The following PCDHA2 variants were observed in gnomAD, a reference collection of about 807,000 sequenced individuals.
The protein encoded by PCDHA2 is protocadherin alpha 2, also known as protocadherin alpha-2.
A neutral mutation model predicts 66.0 loss-of-function variants in PCDHA2; 58 were observed. The observed-to-expected ratio is 0.88, with a 90% CI of 0.71 to 1.09. The LOEUF (loss-of-function observed/expected upper bound fraction) is 1.09, where lower values mean the gene tolerates loss of function less well. Among genes scored for constraint, PCDHA2 ranks in the 50% least tolerant of loss-of-function variants. The probability of loss-of-function intolerance (pLI) is 0.00; values close to 1 mark genes in which losing one functional copy is unlikely to be tolerated. For missense variants in PCDHA2, 1,267 were observed against 1,242.3 expected (o/e 1.02, Z -0.30); for synonymous variants, 634 against 554.0 (o/e 1.14, Z -2.03).
intron 1 of PCDHA2, chr5:140,809,787 G>T: frequency 2.1e-6 from 1 of 480,742 alleles, no homozygotes. Context: ...CATATTAACA[G>T]AACTGTAATT....
At chr5:140,876,155 T>A in intron 1 of PCDHA2, 1 of 1,613,994 alleles carries the variant, frequency 6.2e-7, no homozygotes, top group Non-Finnish European at 8.5e-7. Context: ...TCTGTCCAGA[T>A]TCAAATAACC....
chr5:140,883,445 G>A, intron 1 of PCDHA2: 1 of 1,614,164 alleles, frequency 6.2e-7, no homozygotes, highest in South Asian at 1.1e-5. Flanking sequence ...GACGCCGCAT[G>A]TCCCCTTCAA....
intron 1 of PCDHA2, chr5:140,883,585 C>T (rs782326010): frequency 4.3e-6 from 7 of 1,613,932 alleles, no homozygotes; most frequent in East Asian, 4.5e-5. Flanking sequence ...GGGCCACGGC[C>T]AGCGTGTCGG....
At chr5:140,895,949 T>C (rs1413820088) in intron 1 of PCDHA2, among the ~76,000 whole-genome samples, 1 of 152,256 alleles carries the variant, frequency 6.6e-6, no homozygotes, top group East Asian at 1.9e-4. Context: ...TAGCTGGGAT[T>C]ACAGGTGCCT....
intron 1 of PCDHA2, among the ~76,000 whole-genome samples, chr5:140,905,999 G>T (rs781796509): frequency 1.3e-5 from 2 of 152,140 alleles, no homozygotes; most frequent in Non-Finnish European, 2.9e-5. Flanking sequence ...AGGCTGGGAG[G>T]CTAAGCCAGT....
chr5:140,870,084 C>T (rs782413178), intron 1 of PCDHA2: 1 of 1,613,864 alleles, frequency 6.2e-7, no homozygotes, highest in Non-Finnish European at 8.5e-7. Context: ...AGGGGACTCC[C>T]CCAATGGCAG....
chr5:140,877,408 C>A, intron 1 of PCDHA2: 1 of 1,613,924 alleles, frequency 6.2e-7, no homozygotes, highest in South Asian at 1.1e-5. Context: ...TCCGCGCCAC[C>A]GCCTGCTGGT....
chr5:140,943,094 TA>T lies in PCDHA2; in HGVS notation c.2389-35849del, dbSNP rs546939375. Among the ~76,000 whole-genome samples, 19 of 151,404 alleles carry T rather than the reference TA, an allele frequency of 1.3e-4. No individual in the cohort carries two copies. In the East Asian group the frequency reaches 3.7e-3, roughly 29 times the overall value. On this transcript the variant is annotated intron_variant, in intron 1 of 3. Coordinates refer to ENST00000526136, the MANE Select transcript of PCDHA2 (RefSeq NM_018905.3). ...CAACATGGTGAAATCCTGCCTCTAC[TA>T]AAAAATACAAAAATTAGCCAGGTGT... is the stretch of plus-strand genomic sequence containing the variant.
intron 1 of PCDHA2, chr5:140,809,475 G>C (rs782745865): frequency 6.2e-7 from 1 of 1,614,098 alleles, no homozygotes; most frequent in Non-Finnish European, 8.5e-7. Flanking sequence ...TCTGGTGAGG[G>C]CCCACCCAAG....
chr5:140,969,040 A>G (rs1554231380), intron 1 of PCDHA2: 1 of 1,614,150 alleles, frequency 6.2e-7, no homozygotes. Context: ...AACTGTACAA[A>G]CAAGCCAACA....
chr5:140,863,469 G>T, intron 1 of PCDHA2: 3 of 498,172 alleles, frequency 6.0e-6, no homozygotes, highest in South Asian at 4.7e-5. Context: ...TTACTCTGGA[G>T]AGTCGCCTCC....
intron 1 of PCDHA2, chr5:140,831,346 C>T (rs1204260728): frequency 1.4e-5 from 2 of 140,818 alleles, no homozygotes; most frequent in South Asian, 2.4e-4. Context: ...GTAATTTAAA[C>T]TATTCACTAT....
intron 1 of PCDHA2, chr5:140,968,878 T>A (rs1554231201): frequency 6.2e-7 from 1 of 1,614,244 alleles, no homozygotes; most frequent in South Asian, 1.1e-5. Flanking sequence ...ACTCTGAAAT[T>A]ACCCTTTATC....
intron 3 of PCDHA2, among the ~76,000 whole-genome samples, chr5:141,006,417 G>A (rs1010340395): frequency 6.6e-6 from 1 of 152,030 alleles, no homozygotes; most frequent in Admixed American, 6.6e-5. Flanking sequence ...GTTTCACTGT[G>A]TTAGCCAGGA....
chr5:140,985,163 T>G (rs1045171380), intron 3 of PCDHA2, among the ~76,000 whole-genome samples: 7 of 152,096 alleles, frequency 4.6e-5, no homozygotes, highest in South Asian at 2.1e-4. Flanking sequence ...TGTCTCAATC[T>G]CCTGACCTCG....
At chr5:140,927,753 C>T (rs1435866827) in intron 1 of PCDHA2, 3 of 1,614,078 alleles carry the variant, frequency 1.9e-6, no homozygotes, top group Non-Finnish European at 2.5e-6. Flanking sequence ...TTCACGTGCA[C>T]CCTAAAAGTG....
At position 140,823,647 on chromosome 5, in the gene PCDHA2, G is replaced by A. The variant is rs2150127892; in HGVS notation, c.2388+26295G>A. The A allele has an allele frequency of 2.1e-5, 34 of 1,613,872 alleles. No homozygotes were observed. The South Asian group carries it at 3.2e-4, about 15-fold the overall frequency. ...GTGCGCGCATCCCGTTCCGCGTGGG[G>A]CTGTACACAGGCGAGATCAGCACAA... On this transcript the variant is annotated intron_variant, in intron 1 of 3. Transcript: ENST00000526136.
In PCDHA2 at chr5:140,829,696, G is replaced by T. The variant is rs2150172625; in HGVS notation, c.2388+32344G>T. The T allele has an allele frequency of 1.4e-5, 22 of 1,613,156 alleles. No individual in the cohort carries two copies. The South Asian group carries it at 2.1e-4, about 15-fold the overall frequency. On this transcript the variant is annotated intron_variant, in intron 1 of 3. Transcript: ENST00000526136. ...AGCTAGAGCTGCTGCAGTTTCAGGTGAGCGCGCGCGACGCGGGCGTGCCGC... is the reference window on the plus strand; with the variant it reads ...AGCTAGAGCTGCTGCAGTTTCAGGTTAGCGCGCGCGACGCGGGCGTGCCGC...
At chr5:140,994,125 C>T (rs1007264886) in intron 3 of PCDHA2, among the ~76,000 whole-genome samples, 6 of 152,044 alleles carry the variant, frequency 3.9e-5, no homozygotes, top group African/African-American at 9.7e-5. Flanking sequence ...GTGATAAGGG[C>T]GACAATAATG....
Sources: allele counts gnomAD v4.1 joint callset (sites outside exome capture counted in the v4.1 genomes callset), GRCh38; gene constraint gnomAD v4.1.1; transcripts MANE v1.5; gene names NCBI Gene and HGNC (gene_info 2026-07-23, HGNC 2026-07-21).